Variants in ZNF891 observed in about 807,000 individuals in gnomAD.
The protein encoded by ZNF891 is hCG1646157.
For missense variants in ZNF891, 589 were observed against 632.7 expected, an observed-to-expected ratio of 0.93 and a Z score of 0.74; for synonymous variants, 199 against 209.0, an observed-to-expected ratio of 0.95 and a Z score of 0.41.
Position 133,121,398 on chromosome 12 carries a change from T to G in ZNF891, c.521A>C (p.Gln174Pro). Reference sequence around the variant, plus strand: ...TGTTTTCTTTGGGGCATATATCATTTGCCTCCAATGTCCCCCTGGAATCTT... The same window carrying G: ...TGTTTTCTTTGGGGCATATATCATTGGCCTCCAATGTCCCCCTGGAATCTT... ...QHKIPGGHWR[Q>P]MIYAPKKTVP... Residue 174 changes from glutamine to proline, a missense_variant, in exon 2 of 2, where the codon CAA (glutamine) becomes CCA (proline). Gln to Pro is a moderately conservative substitution (Grantham distance 76). Transcript: ENST00000537226. 6.5e-7 allele frequency: 1 copy of G among 1,536,150 alleles called. No homozygotes were observed. The highest frequency in any genetic ancestry group is 8.7e-7 in the Non-Finnish European group (1 of 1,146,902).
Position 133,120,751 on chromosome 12 carries a change from A to T in ZNF891, c.1168T>A (p.Ser390Thr), listed in dbSNP as rs749107419. The change falls in exon 2 of 2, where the codon TCC (serine) becomes ACC (threonine). Residue 390 changes from serine to threonine, a missense_variant. Coordinates refer to ENST00000537226, the MANE Select transcript of ZNF891 (RefSeq NM_001277291.2). ...QCGKAFSQKT[S>T]LKAHMRTHTG... ...TGAGTTCTCATGTGAGCCTTAAGGG[A>T]TGTTTTTTGACTGAAAGCTTTTCCA... The T allele has an allele frequency of 6.4e-7, 1 of 1,567,646 alleles. No individual in the cohort carries two copies. Among genetic ancestry groups the T allele is most frequent in the Non-Finnish European group, 8.6e-7 (1 of 1,157,126 alleles).
chr12:133,127,997 A>C (rs991700295), intron 1 of ZNF891, among the ~76,000 whole-genome samples: 4 of 152,370 alleles, frequency 2.6e-5, no homozygotes, highest in Non-Finnish European at 5.9e-5. Context: ...AAATGAAAAC[A>C]CTGAACATAT....
intron 1 of ZNF891, chr12:133,122,356 G>A (rs538578005): frequency 1.4e-5 from 6 of 423,270 alleles, no homozygotes; most frequent in Non-Finnish European, 1.9e-5. Context: ...TGTACTATTT[G>A]CTACTTTTTT....
At chr12:133,122,265 A>G in intron 1 of ZNF891, 1 of 1,008,196 alleles carries the variant, frequency 9.9e-7, no homozygotes, top group Non-Finnish European at 1.2e-6. Flanking sequence ...CTCTGGGTGA[A>G]TGGGGCATGA....
chr12:133,109,504 A>G lies in ZNF891; in HGVS notation c.*10780T>C, dbSNP rs1450807838. ...AAGCCAGTTCACTTAAATATTCTCA[A>G]GTTCACTTAAATATTCTCAACTAAG... On this transcript the variant is annotated 3_prime_UTR_variant, in exon 2 of 2. Coordinates refer to ENST00000537226, the MANE Select transcript of ZNF891 (RefSeq NM_001277291.2). The G allele has an allele frequency of 6.7e-6, 1 of 150,230 alleles. No homozygotes were observed. The highest frequency in any genetic ancestry group is 2.5e-5 in the African/African-American group (1 of 39,626). The allele number at this position is 150,230 out of a possible 1,614,324, so 9.3% of individuals were successfully genotyped here.
chr12:133,109,702 AAAT>A lies in ZNF891; in HGVS notation c.*10579_*10581del, dbSNP rs1291967155. On this transcript the variant is annotated 3_prime_UTR_variant, in exon 2 of 2. Transcript: ENST00000537226. ...TACGGTAGCATTCTTATGCTAAAAG[AAAT>A]AATTTTTCAGGCAGTATGAAATGAT... is the stretch of plus-strand genomic sequence containing the variant. The A allele has an allele frequency of 6.6e-6, 1 of 152,186 alleles. No homozygotes were observed. Among genetic ancestry groups the A allele is most frequent in the Non-Finnish European group, 1.5e-5 (1 of 68,016 alleles). The allele number at this position is 152,186 out of a possible 1,614,324, so 9.4% of individuals were successfully genotyped here.
chr12:133,120,800 C>T lies in ZNF891; in HGVS notation c.1119G>A (p.Glu373=), dbSNP rs1346132036. The T allele has an allele frequency of 1.3e-6, 2 of 1,569,956 alleles. No homozygotes were observed. Among genetic ancestry groups the T allele is most frequent in the South Asian group, 1.2e-5 (1 of 85,826 alleles). Residue 373 remains glutamate (E), a synonymous_variant, in exon 2 of 2, where the codon GAG becomes GAA. Coordinates refer to ENST00000537226, the MANE Select transcript of ZNF891 (RefSeq NM_001277291.2). ...LRRHVRTHTG[E]KPYECNQCGK... is the part of the protein sequence containing the mutation. ...CACATTGATTACATTCATAGGGTTT[C>T]TCTCCAGTGTGAGTTCTTACATGTC...
rs2137615755 is a variant in ZNF891 at position 133,118,259 on chromosome 12, A to T, written c.*2025T>A. The T allele has an allele frequency of 6.6e-6, 1 of 152,316 alleles. No individual in the cohort carries two copies. Among genetic ancestry groups the T allele is most frequent in the East Asian group, 1.9e-4 (1 of 5,180 alleles). 9.4% of individuals were successfully genotyped at this position (152,316 alleles called of 1,614,324 possible). On this transcript the variant is annotated 3_prime_UTR_variant, in exon 2 of 2. Coordinates refer to ENST00000537226, the MANE Select transcript of ZNF891 (RefSeq NM_001277291.2). ...CTGGCCAACTTCACCTTCCTTTTTG[A>T]AACTTGTTTGTCTTGGTTCAGTGAA...
At chr12:133,125,908 T>G (rs1179447878) in intron 1 of ZNF891, 1 of 495,288 alleles carries the variant, frequency 2.0e-6, no homozygotes, top group Non-Finnish European at 4.0e-6. Context: ...GACTGGCTCC[T>G]GGTTCCCATG....
rs1955557978 is a variant in ZNF891 at position 133,105,470 on chromosome 12, A to G, written c.*14814T>C. 7 of 1,522,298 alleles carry G rather than the reference A, an allele frequency of 4.6e-6. No individual in the cohort carries two copies. In the African/African-American group the frequency reaches 5.6e-5, roughly 12 times the overall value. The allele number at this position is 1,522,298 out of a possible 1,614,324, so 94.3% of individuals were successfully genotyped here. A position where few individuals can be genotyped will look rare whatever the true frequency, so the allele number is the denominator to read the frequency against. On this transcript the variant is annotated 3_prime_UTR_variant, in exon 2 of 2. Transcript: ENST00000537226. ...GAAATGGCCTTATTTTATTCAATAC[A>G]GGAAAAAGAAACATTCACTTTTTTT...
At position 133,121,791 on chromosome 12, in the gene ZNF891, A is replaced by G. The variant is rs11147241; in HGVS notation, c.128T>C (p.Met43Thr). ...CTCCACAGCTACATCTTTGAAAGTC[A>G]TTGGTTCCTGTAACCAGGTTGTCAG... ...VFLTTWLQEPMTFKDVAVEFT... is the reference protein window; with the variant it reads ...VFLTTWLQEPTTFKDVAVEFT... Residue 43 changes from methionine (M) to threonine (T), a missense_variant, in exon 2 of 2, where the codon ATG becomes ACG. Coordinates refer to ENST00000537226, the MANE Select transcript of ZNF891 (RefSeq NM_001277291.2). The G allele has an allele frequency of 7.1e-3, 10,854 of 1,536,816 alleles. 94 individuals are homozygous for G. The highest frequency in any genetic ancestry group is 0.016 in the South Asian group (1,330 of 84,064).
rs1955570244 is a variant in ZNF891 at position 133,105,801 on chromosome 12, C to G, written c.*14483G>C. On this transcript the variant is annotated 3_prime_UTR_variant, in exon 2 of 2. Coordinates refer to ENST00000537226, the MANE Select transcript of ZNF891 (RefSeq NM_001277291.2). ...GGAAAAACTTTTGGTCGACGCTTTT[C>G]CCTGGTGTTACACCAGAGGACTCAT... The G allele has an allele frequency of 6.2e-7, 1 of 1,614,176 alleles. No homozygotes were observed. The highest frequency in any genetic ancestry group is 1.3e-5 in the African/African-American group (1 of 75,054).
intron 1 of ZNF891, chr12:133,125,479 A>G (rs1955805802): frequency 6.2e-6 from 1 of 162,126 alleles, no homozygotes; most frequent in Non-Finnish European, 1.3e-5. Flanking sequence ...TTTTCACAAG[A>G]TGGCACTGAT....
At position 133,111,712 on chromosome 12, in the gene ZNF891, A is replaced by G. The variant is rs1338514415; in HGVS notation, c.*8572T>C. ...ACATGCATTTCTTAAGTTAGAGGTGAATTTAAGTCATGACATGTATTAGCC... is the reference window on the plus strand; with the variant it reads ...ACATGCATTTCTTAAGTTAGAGGTGGATTTAAGTCATGACATGTATTAGCC... On this transcript the variant is annotated 3_prime_UTR_variant, in exon 2 of 2. Transcript: ENST00000537226. The G allele has an allele frequency of 1.3e-5, 2 of 152,210 alleles. No homozygotes were observed. Among genetic ancestry groups the G allele is most frequent in the Admixed American group, 6.5e-5 (1 of 15,278 alleles). 9.4% of individuals were successfully genotyped at this position (152,210 alleles called of 1,614,324 possible). A position where few individuals can be genotyped will look rare whatever the true frequency, so the allele number is the denominator to read the frequency against.
chr12:133,106,952 G>C lies in ZNF891; in HGVS notation c.*13332C>G, dbSNP rs964059801. On this transcript the variant is annotated 3_prime_UTR_variant, in exon 2 of 2. Coordinates refer to ENST00000537226, the MANE Select transcript of ZNF891 (RefSeq NM_001277291.2). Reference sequence around the variant, plus strand: ...GGTAGGAGTCCCTTACTTTACGTGTGTAAATTCCTACCAGGAAAGAATACA... The same window carrying C: ...GGTAGGAGTCCCTTACTTTACGTGTCTAAATTCCTACCAGGAAAGAATACA... 4 of 212,840 alleles carry C rather than the reference G, an allele frequency of 1.9e-5. No individual in the cohort carries two copies. The highest frequency in any genetic ancestry group is 9.3e-5 in the African/African-American group (4 of 43,150). The allele number at this position is 212,840 out of a possible 1,614,324, so 13.2% of individuals were successfully genotyped here.
Position 133,106,704 on chromosome 12 carries a change from A to T in ZNF891, c.*13580T>A. On this transcript the variant is annotated 3_prime_UTR_variant, in exon 2 of 2. Coordinates refer to ENST00000537226, the MANE Select transcript of ZNF891 (RefSeq NM_001277291.2). ...TGTATGGAATTTTTTAAAAAGAAGT[A>T]TAATGCCTTACTTCAGAGAACTCTT... 3 of 1,445,582 alleles carry T rather than the reference A, an allele frequency of 2.1e-6. No homozygotes were observed. The highest frequency in any genetic ancestry group is 2.8e-6 in the Non-Finnish European group (3 of 1,081,652). The allele number at this position is 1,445,582 out of a possible 1,614,324, so 89.5% of individuals were successfully genotyped here.
In ZNF891 at chr12:133,128,900, AAAC is replaced by A. The variant is rs568676438; in HGVS notation, c.-107+1324_-107+1326del. On this transcript the variant is annotated intron_variant, in intron 1 of 1. Transcript: ENST00000537226. ...CCCCTCCCCAAAAAAGACCAAAACAAAACAACAAAAAAACCAAAACCAAATCTA... is the reference window on the plus strand; with the variant it reads ...CCCCTCCCCAAAAAAGACCAAAACAAAACAAAAAAACCAAAACCAAATCTA... Among the ~76,000 whole-genome samples the A allele has an allele frequency of 3.1e-3, 468 of 152,066 alleles. 1 individual carries two copies. The highest frequency in any genetic ancestry group is 0.011 in the African/African-American group (454 of 41,522).
intron 1 of ZNF891, among the ~76,000 whole-genome samples, chr12:133,124,803 TTATATGGGTGTTC>T (rs1955799204): frequency 6.7e-6 from 1 of 148,894 alleles, no homozygotes; most frequent in Non-Finnish European, 1.5e-5. Context: ...TGTTGTTGTT[TTATATGGGTGTTC>T]TATATGGGTG....
rs975438825 is a variant in ZNF891, at chr12:133,117,734, A to G, written c.*2550T>C. 6 of 152,174 alleles carry G rather than the reference A, an allele frequency of 3.9e-5. No individual in the cohort carries two copies. The highest frequency in any genetic ancestry group is 1.4e-4 in the African/African-American group (6 of 41,428). The allele number at this position is 152,174 out of a possible 1,614,324, so 9.4% of individuals were successfully genotyped here. A position where few individuals can be genotyped will look rare whatever the true frequency, so the allele number is the denominator to read the frequency against. On this transcript the variant is annotated 3_prime_UTR_variant, in exon 2 of 2. Coordinates refer to ENST00000537226, the MANE Select transcript of ZNF891 (RefSeq NM_001277291.2). ...CTCTCCAGCTACTACCCTTTCTCCT[A>G]TTATTCAAACTTGTCTACATCCAGT...
Sources: allele counts gnomAD v4.1 joint callset (sites outside exome capture counted in the v4.1 genomes callset), GRCh38; gene constraint gnomAD v4.1.1; transcripts MANE v1.5; gene names NCBI Gene and HGNC (gene_info 2026-07-23, HGNC 2026-07-21).